Variants in CCDC172 observed in about 807,000 individuals in gnomAD.
CCDC172 encodes coiled-coil domain containing 172.
In CCDC172, 30 loss-of-function variants were observed where a neutral mutation model predicts 38.0. The observed-to-expected ratio is 0.79, with a 90% CI of 0.59 to 1.07. The LOEUF is 1.07. Among genes scored for constraint, CCDC172 ranks in the 50% least tolerant of loss-of-function variants. CCDC172 has a pLI of 0.00. For synonymous variants in CCDC172, 78 were observed against 88.3 expected (o/e 0.88, Z 0.66); for missense variants, 297 against 290.1 (o/e 1.02, Z -0.17).
At chr10:116,374,570 G>A (rs1340758723) in intron 7 of CCDC172, among the ~76,000 whole-genome samples, 1 of 151,750 alleles carries the variant, frequency 6.6e-6, no homozygotes, top group East Asian at 1.9e-4. Flanking sequence ...TGAGAGTATT[G>A]GATCATGTAG....
chr10:116,372,829 TA>T (rs1185562273), intron 7 of CCDC172, among the ~76,000 whole-genome samples: 3 of 152,100 alleles, frequency 2.0e-5, no homozygotes, highest in African/African-American at 7.2e-5. Flanking sequence ...AGATAATAAC[TA>T]TAGAAGACTT....
At chr10:116,345,708 TA>T (rs1160359229) in intron 5 of CCDC172, among the ~76,000 whole-genome samples, 1 of 152,182 alleles carries the variant, frequency 6.6e-6, no homozygotes, top group Non-Finnish European at 1.5e-5. Context: ...AGATACTCAA[TA>T]TCTTTAGTCA....
At chr10:116,335,017 T>C (rs1238700680) in intron 3 of CCDC172, among the ~76,000 whole-genome samples, 1 of 152,070 alleles carries the variant, frequency 6.6e-6, no homozygotes, top group Admixed American at 6.5e-5. Flanking sequence ...TTCTTTATCA[T>C]TTGTTGCAAA....
intron 7 of CCDC172, among the ~76,000 whole-genome samples, chr10:116,365,545 C>T (rs943090707): frequency 2.0e-5 from 3 of 152,138 alleles, no homozygotes; most frequent in African/African-American, 7.2e-5. Context: ...CTCCACTTAA[C>T]TTTCCATTTA....
intron 3 of CCDC172, 98 bp downstream of exon 3, chr10:116,325,486 T>C: frequency 2.2e-6 from 2 of 890,530 alleles, no homozygotes; most frequent in Non-Finnish European, 3.5e-6. Context: ...GTCCTTCAAG[T>C]AGGAAGCACG....
chr10:116,326,530 C>CTT (rs1360567849), intron 3 of CCDC172, among the ~76,000 whole-genome samples: 2 of 152,180 alleles, frequency 1.3e-5, no homozygotes, highest in Non-Finnish European at 1.5e-5. Flanking sequence ...GAGAACACTT[C>CTT]TCCATCTGGC....
intron 3 of CCDC172, among the ~76,000 whole-genome samples, chr10:116,333,266 GT>G (rs947095903): frequency 6.6e-6 from 1 of 151,936 alleles, no homozygotes; most frequent in Admixed American, 6.6e-5. Context: ...TATATAAATT[GT>G]TTTTTGTCCT....
intron 5 of CCDC172, among the ~76,000 whole-genome samples, chr10:116,343,742 TA>T (rs929037738): frequency 3.9e-5 from 6 of 152,150 alleles, no homozygotes; most frequent in African/African-American, 1.2e-4. Flanking sequence ...AAGCCACAAC[TA>T]CAAATTTCTT....
At chr10:116,339,528 A>G (rs577841905) in intron 3 of CCDC172, among the ~76,000 whole-genome samples, 1 of 151,874 alleles carries the variant, frequency 6.6e-6, no homozygotes, top group South Asian at 2.1e-4. Flanking sequence ...TCCTTCCCCC[A>G]ATCTCTAAAA....
At chr10:116,356,203 A>G (rs1175847582) in intron 5 of CCDC172, among the ~76,000 whole-genome samples, 3 of 151,936 alleles carry the variant, frequency 2.0e-5, no homozygotes, top group Non-Finnish European at 4.4e-5. Flanking sequence ...GGTGGCGAGC[A>G]CCTGTAATCG....
intron 7 of CCDC172, among the ~76,000 whole-genome samples, chr10:116,362,225 G>C (rs1845073423): frequency 6.6e-6 from 1 of 152,206 alleles, no homozygotes; most frequent in African/African-American, 2.4e-5. Context: ...ATTTATTTCT[G>C]TTTGTGTGTG....
At chr10:116,331,293 T>C (rs1162360663) in intron 3 of CCDC172, among the ~76,000 whole-genome samples, 1 of 152,162 alleles carries the variant, frequency 6.6e-6, no homozygotes, top group Admixed American at 6.5e-5. Context: ...TTTTAGACTA[T>C]GAAGAGGTCA....
intron 7 of CCDC172, among the ~76,000 whole-genome samples, chr10:116,377,392 A>G (rs1845259775): frequency 6.6e-6 from 1 of 152,108 alleles, no homozygotes; most frequent in Non-Finnish European, 1.5e-5. Flanking sequence ...TGGTTTGATC[A>G]TTTCAAATGA....
In CCDC172 at chr10:116,379,341, C is replaced by G. The variant is rs1187406111; in HGVS notation, c.760C>G (p.Leu254Val). ...FLELTLAQKD[L>V]QESK The stretch of plus-strand genomic sequence containing the variant: ...TTTTCAGACATTGGCACAGAAAGAT[C>G]TTCAGGAAAGCAAATAACTTACAGA... Residue 254 changes from leucine to valine, a missense_variant, in exon 9 of 9, where the codon CTT (leucine) becomes GTT (valine). Leu to Val is a conservative substitution (Grantham distance 32, BLOSUM62 1). Coordinates refer to ENST00000333254, the MANE Select transcript of CCDC172 (RefSeq NM_198515.3). The G allele has an allele frequency of 7.6e-6, 12 of 1,583,134 alleles. No individual in the cohort carries two copies. Among genetic ancestry groups the G allele is most frequent in the Non-Finnish European group, 9.4e-6 (11 of 1,165,960 alleles).
chr10:116,340,419 T>C (rs1486283526), intron 3 of CCDC172, among the ~76,000 whole-genome samples: 1 of 151,872 alleles, frequency 6.6e-6, no homozygotes, highest in Non-Finnish European at 1.5e-5. Context: ...GATTTCAATG[T>C]GTGTATTCAA....
At chr10:116,375,731 C>A (rs1341670543) in intron 7 of CCDC172, among the ~76,000 whole-genome samples, 1 of 152,130 alleles carries the variant, frequency 6.6e-6, no homozygotes, top group Non-Finnish European at 1.5e-5. Context: ...TATGAACAGA[C>A]ACTTCTCAAA....
intron 5 of CCDC172, among the ~76,000 whole-genome samples, chr10:116,349,631 C>T (rs752436214): frequency 1.6e-4 from 24 of 152,164 alleles, no homozygotes; most frequent in Non-Finnish European, 3.2e-4. Context: ...AGAGGAACTA[C>T]ATTTGCTTAC....
intron 7 of CCDC172, among the ~76,000 whole-genome samples, chr10:116,375,447 C>T (rs1044105036): frequency 4.9e-5 from 6 of 123,114 alleles, no homozygotes; most frequent in African/African-American, 1.5e-4. Flanking sequence ...CCTCCCCTAG[C>T]CCCCCACCCC....
At chr10:116,335,096 G>A (rs1298614218) in intron 3 of CCDC172, among the ~76,000 whole-genome samples, 2 of 151,916 alleles carry the variant, frequency 1.3e-5, no homozygotes, top group Non-Finnish European at 2.9e-5. Context: ...TTGTGTTGCT[G>A]GAATTTTTAA....
Sources: gnomAD v4.1 joint callset for allele counts (sites outside exome capture counted in the v4.1 genomes callset) on GRCh38, gnomAD v4.1.1 for gene constraint, MANE v1.5 for transcripts, NCBI Gene and HGNC (gene_info 2026-07-23, HGNC 2026-07-21) for gene names.